Variants in HMOX2 observed in about 807,000 individuals in gnomAD.
HMOX2 encodes heme oxygenase (decycling) 2.
In HMOX2, 30 loss-of-function variants were observed where a neutral mutation model predicts 33.7. The ratio of observed to expected loss-of-function variants is 0.89; its 90% CI spans 0.67 to 1.21. The LOEUF (loss-of-function observed/expected upper bound fraction) is 1.21. Among genes scored for constraint, HMOX2 ranks in the 50% most tolerant of loss-of-function variants. HMOX2 has a pLI of 0.00. For missense variants in HMOX2, 403 were observed against 399.1 expected, an observed-to-expected ratio of 1.01 and a Z score of -0.08; for synonymous variants, 155 against 155.0, an observed-to-expected ratio of 1.00 and a Z score of 0.00.
At position 4,508,210 on chromosome 16, in the gene HMOX2, A is replaced by G. The variant is rs1373429592; in HGVS notation, c.696+6A>G. ...CTTTTGAGTATAACATGCAGGTACT[A>G]TTGGGGGCTGCCAGCTGCTAGGGCT... On this transcript the variant is annotated splice_donor_region_variant and intron_variant, in intron 4 of 5. Coordinates refer to ENST00000570646, the MANE Select transcript of HMOX2 (RefSeq NM_002134.4). The G allele has an allele frequency of 6.3e-7, 1 of 1,592,760 alleles. No individual in the cohort carries two copies. The highest frequency in any genetic ancestry group is 8.6e-7 in the Non-Finnish European group (1 of 1,169,018).
chr16:4,481,691 A>C (rs1202217936), intron 1 of HMOX2: 1 of 152,216 alleles, frequency 6.6e-6, no homozygotes. Context: ...GTGCAGAGCA[A>C]GATCTTATCT....
chr16:4,507,757 G>C lies in HMOX2; in HGVS notation c.249G>C (p.Glu83Asp). Reference protein sequence around the residue: ...ALYFTYSALEEEMERNKDHPA... With the variant: ...ALYFTYSALEDEMERNKDHPA... Reference sequence around the variant, plus strand: ...ACTTCACATACTCAGCCCTCGAGGAGGAAATGGAGCGCAACAAGGACCATC... The same window carrying C: ...ACTTCACATACTCAGCCCTCGAGGACGAAATGGAGCGCAACAAGGACCATC... The change falls in exon 4 of 6, where the codon GAG becomes GAC. Residue 83 changes from glutamate to aspartate, a missense_variant. By Grantham distance (45) the Glu-to-Asp change is conservative. Transcript: ENST00000570646. The C allele has an allele frequency of 2.5e-6, 4 of 1,614,178 alleles. No individual in the cohort carries two copies. Among genetic ancestry groups the C allele is most frequent in the Non-Finnish European group, 3.4e-6 (4 of 1,180,044 alleles).
chr16:4,504,479 G>C (rs1173986366), intron 1 of HMOX2, among the ~76,000 whole-genome samples: 1 of 146,758 alleles, frequency 6.8e-6, no homozygotes, highest in Non-Finnish European at 1.5e-5. Flanking sequence ...TCCTGCCTCA[G>C]CCTCCTGAGT....
intron 1 of HMOX2, among the ~76,000 whole-genome samples, chr16:4,485,306 T>G (rs4785968): frequency 6.6e-6 from 1 of 151,920 alleles, no homozygotes; most frequent in Non-Finnish European, 1.5e-5. Context: ...TTGAATCCAC[T>G]GATGCAGAGC....
chr16:4,506,175 A>G (rs1163890764), intron 2 of HMOX2, among the ~76,000 whole-genome samples: 1 of 152,216 alleles, frequency 6.6e-6, no homozygotes, highest in Non-Finnish European at 1.5e-5. Context: ...AAGCCAGACC[A>G]TGATAAGGCC....
At chr16:4,480,533 CGG>C (rs1409641510) in intron 1 of HMOX2, among the ~76,000 whole-genome samples, 2 of 150,204 alleles carry the variant, frequency 1.3e-5, no homozygotes, top group Admixed American at 6.6e-5. Flanking sequence ...TTAGTAGAGA[CGG>C]GGTTTCACCA....
At chr16:4,479,823 C>T (rs2057970992) in intron 1 of HMOX2, among the ~76,000 whole-genome samples, 1 of 144,416 alleles carries the variant, frequency 6.9e-6, no homozygotes, top group African/African-American at 2.5e-5. Flanking sequence ...ACTGCAACCT[C>T]CGCCTCCTGG....
rs765730474 is a variant in HMOX2, at chr16:4,505,624, G to T, written c.86+14G>T. The stretch of plus-strand genomic sequence containing the variant: ...GAACCAAATGAGGTGAGCGATGGGG[G>T]CTGGCTGCACTGAATCAGGTGGGCC... On this transcript the variant is annotated intron_variant, in intron 2 of 5. Coordinates refer to ENST00000570646, the MANE Select transcript of HMOX2 (RefSeq NM_002134.4). 10 of 1,559,592 alleles carry T rather than the reference G, an allele frequency of 6.4e-6. No homozygotes were observed. Among genetic ancestry groups the T allele is most frequent in the Non-Finnish European group, 8.7e-6 (10 of 1,143,468 alleles).
intron 1 of HMOX2, 131 bp from the exon 2 acceptor site, chr16:4,505,353 T>A (rs2058663436): frequency 1.9e-6 from 1 of 527,830 alleles, no homozygotes; most frequent in Admixed American, 3.2e-5. Context: ...GAGCTTTATT[T>A]TAAAGAAAAC....
chr16:4,486,566 G>T (rs907692083), intron 1 of HMOX2, among the ~76,000 whole-genome samples: 1 of 152,226 alleles, frequency 6.6e-6, no homozygotes, highest in Non-Finnish European at 1.5e-5. Flanking sequence ...AACTTTTCAA[G>T]GAACTAGTGG....
chr16:4,508,349 C>A, intron 4 of HMOX2, 145 bp downstream of exon 4: 1 of 908,124 alleles, frequency 1.1e-6, no homozygotes, highest in Non-Finnish European at 1.7e-6. Context: ...CCAGATTGGC[C>A]ACCAGAGCTT....
chr16:4,485,885 G>A (rs995860408), intron 1 of HMOX2, among the ~76,000 whole-genome samples: 6 of 151,878 alleles, frequency 4.0e-5, no homozygotes, highest in Non-Finnish European at 5.9e-5. Context: ...CACCACGCCC[G>A]GCTAATTTTT....
intron 1 of HMOX2, among the ~76,000 whole-genome samples, chr16:4,488,038 A>G (rs200868079): frequency 7.2e-6 from 1 of 139,302 alleles, no homozygotes; most frequent in East Asian, 2.2e-4. Context: ...CAGGAGAATC[A>G]CTTGAACCCG....
rs573100423 is a variant in HMOX2, at chr16:4,497,147, T to C, written c.-41-8337T>C. Among the ~76,000 whole-genome samples the C allele has an allele frequency of 4.4e-4, 67 of 152,282 alleles. 1 individual carries two copies. In the South Asian group the frequency reaches 6.0e-3, roughly 14 times the overall value. ...CTCCACCCCCAAATGCTATTCACAGTCCTTGTTTATGATAGAAGCTGAAGC... is the reference window on the plus strand; with the variant it reads ...CTCCACCCCCAAATGCTATTCACAGCCCTTGTTTATGATAGAAGCTGAAGC... On this transcript the variant is annotated intron_variant, in intron 1 of 5. Transcript: ENST00000570646.
chr16:4,494,027 T>C (rs1012985846), intron 1 of HMOX2, among the ~76,000 whole-genome samples: 1 of 152,090 alleles, frequency 6.6e-6, no homozygotes, highest in Non-Finnish European at 1.5e-5. Flanking sequence ...CTAGAAAACA[T>C]GGCTGTCGGG....
Position 4,506,987 on chromosome 16 carries a change from G to A in HMOX2, c.179G>A (p.Gly60Asp), listed in dbSNP as rs1423756221. ...NTQFVKDFLKGNIKKELFKLA... is the reference protein window; with the variant it reads ...NTQFVKDFLKDNIKKELFKLA... Reference sequence around the variant, plus strand: ...CAGTTTGTCAAGGACTTCTTGAAAGGCAACATTAAGAAGGAGCTGTTTAAG... The same window carrying A: ...CAGTTTGTCAAGGACTTCTTGAAAGACAACATTAAGAAGGAGCTGTTTAAG... The change falls in exon 3 of 6, where the codon GGC (glycine) becomes GAC (aspartate). Residue 60 changes from glycine (G) to aspartate (D), a missense_variant. By Grantham distance (94) the Gly-to-Asp change is moderately conservative. Coordinates refer to ENST00000570646, the MANE Select transcript of HMOX2 (RefSeq NM_002134.4). The A allele has an allele frequency of 6.2e-7, 1 of 1,611,570 alleles. No individual in the cohort carries two copies. Among genetic ancestry groups the A allele is most frequent in the Non-Finnish European group, 8.5e-7 (1 of 1,177,672 alleles).
chr16:4,508,352 C>A, intron 4 of HMOX2, 148 bp downstream of exon 4: 1 of 887,038 alleles, frequency 1.1e-6, no homozygotes, highest in Non-Finnish European at 1.7e-6. Context: ...GATTGGCCAC[C>A]AGAGCTTGTG....
chr16:4,500,209 G>A (rs2058524210), intron 1 of HMOX2, among the ~76,000 whole-genome samples: 1 of 152,146 alleles, frequency 6.6e-6, no homozygotes, highest in Non-Finnish European at 1.5e-5. Flanking sequence ...ATATCGGAGT[G>A]AGCTCTGAGC....
chr16:4,497,294 G>C (rs1434818751), intron 1 of HMOX2, among the ~76,000 whole-genome samples: 2 of 152,116 alleles, frequency 1.3e-5, no homozygotes, highest in Non-Finnish European at 2.9e-5. Flanking sequence ...GTAACCTAGG[G>C]ATGACCCAAG....
Sources: allele counts gnomAD v4.1 joint callset (sites outside exome capture counted in the v4.1 genomes callset), GRCh38; gene constraint gnomAD v4.1.1; transcripts MANE v1.5; gene names NCBI Gene and HGNC (gene_info 2026-07-23, HGNC 2026-07-21).